The following GRIN2A variants were observed in gnomAD, a reference collection of about 807,000 sequenced individuals.
The protein encoded by GRIN2A is glutamate ionotropic receptor NMDA type subunit 2A, also known as glutamate receptor ionotropic, NMDA 2A.
In GRIN2A, 22 loss-of-function variants were observed where a neutral mutation model predicts 113.4. The ratio of observed to expected loss-of-function variants is 0.19; its 90% CI spans 0.14 to 0.28. The LOEUF (loss-of-function observed/expected upper bound fraction) is 0.28. GRIN2A is among the 10% of genes least tolerant of loss of function. GRIN2A has a pLI of 1.00. For synonymous variants in GRIN2A, 827 were observed against 738.4 expected, an observed-to-expected ratio of 1.12 and a Z score of -1.94; for missense variants, 1,502 against 1,887.0, an observed-to-expected ratio of 0.80 and a Z score of 3.78.
At chr16:9,880,192 T>C (rs148216620) in intron 4 of GRIN2A, among the ~76,000 whole-genome samples, 5 of 152,076 alleles carry the variant, frequency 3.3e-5, no homozygotes, top group Admixed American at 6.5e-5. Flanking sequence ...ACTCAGATTG[T>C]TGGGCAAGCT....
intron 3 of GRIN2A, among the ~76,000 whole-genome samples, chr16:9,891,607 T>A (rs8051986): frequency 0.32 from 49,300 of 152,062 alleles, 10,042 homozygotes; most frequent in African/African-American, 0.58. Flanking sequence ...GGGAGGATAG[T>A]CATGAATTGA....
intron 4 of GRIN2A, among the ~76,000 whole-genome samples, chr16:9,854,898 T>G (rs544161143): frequency 1.3e-5 from 2 of 152,254 alleles, no homozygotes; most frequent in East Asian, 3.9e-4. Flanking sequence ...GTCAATCACA[T>G]GCTATTTTTG....
intron 2 of GRIN2A, among the ~76,000 whole-genome samples, chr16:10,166,031 T>A (rs1204922466): frequency 1.3e-5 from 2 of 152,250 alleles, no homozygotes; most frequent in Non-Finnish European, 2.9e-5. Flanking sequence ...CTTCTTCACA[T>A]CGTTCTGAGT....
chr16:9,810,606 A>T (rs1596450173), intron 10 of GRIN2A, among the ~76,000 whole-genome samples: 1 of 152,280 alleles, frequency 6.6e-6, no homozygotes, highest in Middle Eastern at 3.4e-3. Context: ...GATTGGAGAG[A>T]TGCAGCCACA....
intron 7 of GRIN2A, 141 bp from the exon 8 acceptor site, chr16:9,834,371 AT>A (rs2042550661): frequency 2.6e-6 from 2 of 779,528 alleles, no homozygotes; most frequent in Non-Finnish European, 4.4e-6. Context: ...GAAGCTAATC[AT>A]TTTTTATTTT....
At chr16:9,831,812 G>C (rs1389740785) in intron 8 of GRIN2A, among the ~76,000 whole-genome samples, 1 of 151,938 alleles carries the variant, frequency 6.6e-6, no homozygotes, top group African/African-American at 2.4e-5. Context: ...CACCGTGCCT[G>C]GCCTCCCTCC....
intron 10 of GRIN2A, among the ~76,000 whole-genome samples, chr16:9,816,286 T>TA (rs2042184149): frequency 6.6e-6 from 1 of 152,148 alleles, no homozygotes; most frequent in Non-Finnish European, 1.5e-5. Context: ...TTTATCACAA[T>TA]AAAAAATACT....
intron 2 of GRIN2A, among the ~76,000 whole-genome samples, chr16:9,946,034 G>T (rs1423810165): frequency 1.3e-5 from 2 of 152,114 alleles, no homozygotes; most frequent in Non-Finnish European, 2.9e-5. Flanking sequence ...TCTCGTTGCA[G>T]CTGATTTAGG....
At chr16:10,149,833 C>T (rs769569546) in intron 2 of GRIN2A, among the ~76,000 whole-genome samples, 1 of 152,216 alleles carries the variant, frequency 6.6e-6, no homozygotes, top group African/African-American at 2.4e-5. Context: ...TTTGTTCAGA[C>T]CCCTCCAGTG....
At chr16:9,884,459 G>C (rs1004055491) in intron 4 of GRIN2A, among the ~76,000 whole-genome samples, 2 of 152,096 alleles carry the variant, frequency 1.3e-5, no homozygotes, top group African/African-American at 4.8e-5. Flanking sequence ...TGAGACAGGA[G>C]AATTGCTTGA....
chr16:10,111,654 TCAC>T lies in GRIN2A; in HGVS notation c.414+68341_414+68343del, dbSNP rs571215771. On this transcript the variant is annotated intron_variant, in intron 2 of 12. Transcript: ENST00000330684. ...CTCTGATGGGAGGTATTGGTTTCAT[TCAC>T]CACAACTGCACCCCAGAGTTCCAGG... 779 of 1,555,142 alleles carry T rather than the reference TCAC, an allele frequency of 5.0e-4. 11 individuals are homozygous for T. In the South Asian group the frequency reaches 8.3e-3, roughly 17 times the overall value.
intron 3 of GRIN2A, among the ~76,000 whole-genome samples, chr16:9,908,458 A>G (rs1255446019): frequency 1.3e-5 from 2 of 151,684 alleles, no homozygotes; most frequent in African/African-American, 2.4e-5. Context: ...TTTCCCAAAT[A>G]GCTATAAAGG....
chr16:9,979,754 C>G (rs1199578875), intron 2 of GRIN2A, among the ~76,000 whole-genome samples: 1 of 142,276 alleles, frequency 7.0e-6, no homozygotes, highest in Admixed American at 7.3e-5. Flanking sequence ...GGAGGCTATA[C>G]AGTCCTATAT....
At chr16:10,122,415 A>G (rs971350999) in intron 2 of GRIN2A, among the ~76,000 whole-genome samples, 8 of 152,162 alleles carry the variant, frequency 5.3e-5, no homozygotes, top group Non-Finnish European at 7.3e-5. Flanking sequence ...CTGCAAAGTG[A>G]TGAACATTGC....
chr16:10,044,556 T>C (rs749306592), intron 2 of GRIN2A, among the ~76,000 whole-genome samples: 13 of 151,606 alleles, frequency 8.6e-5, no homozygotes, highest in Non-Finnish European at 1.6e-4. Context: ...TACATATCTT[T>C]AATATACATC....
chr16:9,883,591 C>T (rs1314754045), intron 4 of GRIN2A, among the ~76,000 whole-genome samples: 1 of 152,160 alleles, frequency 6.6e-6, no homozygotes, highest in Non-Finnish European at 1.5e-5. Flanking sequence ...AATACTAGGG[C>T]TTGGGGGACA....
chr16:9,812,574 G>T (rs1369733636), intron 10 of GRIN2A, among the ~76,000 whole-genome samples: 1 of 152,076 alleles, frequency 6.6e-6, no homozygotes, highest in Non-Finnish European at 1.5e-5. Context: ...GGAGATGGAG[G>T]TTGCACTGAG....
intron 2 of GRIN2A, among the ~76,000 whole-genome samples, chr16:10,042,236 C>T (rs79289952): frequency 0.014 from 2,061 of 152,264 alleles, 48 homozygotes; most frequent in African/African-American, 0.047. Flanking sequence ...GTGTGCTTGG[C>T]AACTCTCTTC....
chr16:9,877,342 C>A (rs2043388327), intron 4 of GRIN2A, among the ~76,000 whole-genome samples: 1 of 152,096 alleles, frequency 6.6e-6, no homozygotes, highest in South Asian at 2.1e-4. Context: ...CCTCTACTTG[C>A]TTTCAAACTT....
Sources: gnomAD v4.1 joint callset for allele counts (sites outside exome capture counted in the v4.1 genomes callset) on GRCh38, gnomAD v4.1.1 for gene constraint, MANE v1.5 for transcripts, NCBI Gene and HGNC (gene_info 2026-07-23, HGNC 2026-07-21) for gene names.